Variants in SOX5 observed in about 807,000 individuals in gnomAD.
SOX5 encodes the protein SRY-box transcription factor 5.
Under a neutral mutation model 92.0 loss-of-function variants are expected in SOX5, and 9 were observed. The observed-to-expected ratio is 0.10, with a 90% CI of 0.06 to 0.17. The LOEUF (loss-of-function observed/expected upper bound fraction) is 0.17, where lower values mean the gene tolerates loss of function less well. Among genes scored for constraint, SOX5 ranks in the 10% least tolerant of loss-of-function variants. The pLI is 1.00. For synonymous variants in SOX5, 344 were observed against 336.3 expected (o/e 1.02, Z -0.25); for missense variants, 642 against 944.5 (o/e 0.68, Z 4.20).
At chr12:24,128,407 A>G (rs942255993) in intron 4 of SOX5, among the ~76,000 whole-genome samples, 7 of 152,244 alleles carry the variant, frequency 4.6e-5, no homozygotes, top group Non-Finnish European at 1.0e-4. Context: ...AACAGTCAAA[A>G]TGATACCAAA....
In SOX5 at chr12:24,081,252, G is replaced by A. The variant is rs1031349166; in HGVS notation, c.-2+132091C>T. 9.2e-5 allele frequency among the ~76,000 whole-genome samples: 14 copies of A among 151,916 alleles called. 1 individual carries two copies. Among genetic ancestry groups the A allele is most frequent in the Admixed American group, 3.3e-4 (5 of 15,232 alleles). ...CACTCCTTGCAAAAAAATGCAAAAC[G>A]TCTGCTAAAATCTGACTTCATTTGA... is the stretch of plus-strand genomic sequence containing the variant. On this transcript the variant is annotated intron_variant, in intron 4 of 4. Transcript: ENST00000446891.
chr12:23,903,977 A>G (rs953413870), intron 1 of SOX5, among the ~76,000 whole-genome samples: 1 of 152,208 alleles, frequency 6.6e-6, no homozygotes, highest in Non-Finnish European at 1.5e-5. Context: ...AATTACACAA[A>G]CTTAGCATAT....
At chr12:24,141,459 G>A (rs60352761) in intron 4 of SOX5, among the ~76,000 whole-genome samples, 9,390 of 152,216 alleles carry the variant, frequency 0.062, 797 homozygotes, top group African/African-American at 0.19. Context: ...AGGCCAATTA[G>A]CACTATTACT....
At chr12:23,991,842 C>A (rs1434472004) in intron 4 of SOX5, among the ~76,000 whole-genome samples, 2 of 151,636 alleles carry the variant, frequency 1.3e-5, no homozygotes, top group Non-Finnish European at 2.9e-5. Flanking sequence ...GAAAAGAATA[C>A]TTCCTAGCCA....
At chr12:23,764,087 G>C (rs2094638904) in intron 3 of SOX5, among the ~76,000 whole-genome samples, 1 of 151,754 alleles carries the variant, frequency 6.6e-6, no homozygotes, top group African/African-American at 2.4e-5. Flanking sequence ...AGAACAGGAG[G>C]GTTACTAAGG....
At chr12:24,266,798 G>A (rs1943078037) in intron 3 of SOX5, among the ~76,000 whole-genome samples, 1 of 152,048 alleles carries the variant, frequency 6.6e-6, no homozygotes, top group African/African-American at 2.4e-5. Context: ...ATTTCCATTT[G>A]TCTGCCAGTC....
At chr12:24,240,821 G>A (rs1348999696) in intron 3 of SOX5, among the ~76,000 whole-genome samples, 1 of 152,028 alleles carries the variant, frequency 6.6e-6, no homozygotes, top group Admixed American at 6.6e-5. Context: ...TTTCCATACA[G>A]CCATTCTATT....
At chr12:23,977,756 C>A (rs992736983) in intron 4 of SOX5, among the ~76,000 whole-genome samples, 15 of 150,556 alleles carry the variant, frequency 1.0e-4, no homozygotes, top group Non-Finnish European at 1.5e-5. Flanking sequence ...CACCCTTGTA[C>A]CTAAGAAAAG....
At chr12:24,194,980 C>G (rs1272885037) in intron 4 of SOX5, among the ~76,000 whole-genome samples, 1 of 151,976 alleles carries the variant, frequency 6.6e-6, no homozygotes, top group African/African-American at 2.4e-5. Flanking sequence ...AGATAGTAAG[C>G]TTGATGGCAA....
chr12:24,381,180 G>C (rs1486355386), intron 1 of SOX5, among the ~76,000 whole-genome samples: 1 of 152,168 alleles, frequency 6.6e-6, no homozygotes, highest in Non-Finnish European at 1.5e-5. Context: ...TCAAGTTGTG[G>C]CTTTACTCAT....
At chr12:23,683,052 G>T (rs556403405) in intron 6 of SOX5, among the ~76,000 whole-genome samples, 11 of 151,938 alleles carry the variant, frequency 7.2e-5, no homozygotes, top group African/African-American at 2.4e-4. Context: ...AAAATAGTTT[G>T]TAATGACTAG....
At chr12:24,075,970 A>C (rs1339102325) in intron 4 of SOX5, among the ~76,000 whole-genome samples, 2 of 152,176 alleles carry the variant, frequency 1.3e-5, no homozygotes, top group African/African-American at 2.4e-5. Context: ...CAACACTTAG[A>C]TATGGAGTAA....
intron 10 of SOX5, among the ~76,000 whole-genome samples, chr12:23,570,262 A>AT (rs908281450): frequency 9.2e-5 from 14 of 152,220 alleles, no homozygotes; most frequent in African/African-American, 2.6e-4. Context: ...TAGGTAGACA[A>AT]TTTTTTTATC....
intron 4 of SOX5, among the ~76,000 whole-genome samples, chr12:24,129,322 A>T (rs181311395): frequency 7.7e-4 from 117 of 152,330 alleles, no homozygotes; most frequent in African/African-American, 2.7e-3. Context: ...GTCATGACTA[A>T]TGTACCCTTT....
intron 4 of SOX5, among the ~76,000 whole-genome samples, chr12:23,971,286 C>A (rs1004944964): frequency 1.2e-4 from 18 of 151,400 alleles, no homozygotes; most frequent in Admixed American, 5.3e-4. Flanking sequence ...CCATGCCTGG[C>A]TAATTTTTTG....
chr12:23,709,757 A>T (rs11833903), intron 6 of SOX5, among the ~76,000 whole-genome samples: 7,481 of 152,278 alleles, frequency 0.049, 648 homozygotes, highest in African/African-American at 0.17. Flanking sequence ...TTTGACTTAC[A>T]TACTGAAAAT....
At chr12:24,529,785 C>T (rs891321037) in intron 1 of SOX5, among the ~76,000 whole-genome samples, 6 of 152,022 alleles carry the variant, frequency 3.9e-5, no homozygotes, top group Admixed American at 6.6e-5. Flanking sequence ...TTCAGGAGGC[C>T]GAGGTGGGCA....
rs1943837383 is a variant in SOX5, at chr12:24,085,223, T to C, written c.-2+128120A>G. ...GAGGGGCAACAGATGCCTTTCAGCC[T>C]GTTCACCCTGAATTCATCCCCTCAA... On this transcript the variant is annotated intron_variant, in intron 4 of 4. Coordinates refer to the SOX5 transcript ENST00000446891. Among the ~76,000 whole-genome samples the C allele has an allele frequency of 1.3e-5, 2 of 152,164 alleles. 1 individual carries two copies. The highest frequency in any genetic ancestry group is 2.9e-5 in the Non-Finnish European group (2 of 68,008).
chr12:24,031,017 G>T (rs1416180556), intron 4 of SOX5, among the ~76,000 whole-genome samples: 1 of 151,860 alleles, frequency 6.6e-6, no homozygotes, highest in Non-Finnish European at 1.5e-5. Context: ...CTGTTAGAAT[G>T]CTATTATGAA....
Sources: allele counts gnomAD v4.1 joint callset (sites outside exome capture counted in the v4.1 genomes callset), GRCh38; gene constraint gnomAD v4.1.1; transcripts MANE v1.5; gene names NCBI Gene and HGNC (gene_info 2026-07-23, HGNC 2026-07-21).